DBF4B: variants seen among roughly 807,000 people sequenced by gnomAD.
The protein encoded by DBF4B is DBF4B-CDC7 kinase regulatory subunit.
DBF4B carries 49 observed loss-of-function variants against 53.4 expected under a neutral mutation model. That is an observed-to-expected ratio of 0.92 (90% CI 0.73 to 1.16). The LOEUF (loss-of-function observed/expected upper bound fraction) is 1.16, where lower values mean the gene tolerates loss of function less well. DBF4B is among the 50% of genes most tolerant of loss of function. The pLI is 0.00. For missense variants in DBF4B, 692 were observed against 775.0 expected (o/e 0.89, Z 1.27); for synonymous variants, 257 against 288.7 (o/e 0.89, Z 1.11).
chr17:44,743,441 C>A (rs1976269296), intron 10 of DBF4B, among the ~76,000 whole-genome samples: 1 of 152,110 alleles, frequency 6.6e-6, no homozygotes, highest in Admixed American at 6.5e-5. Context: ...CTATATTCCA[C>A]ACCCAGCCTC....
At chr17:44,748,004 C>T (rs2049152495) in intron 12 of DBF4B, among the ~76,000 whole-genome samples, 1 of 152,204 alleles carries the variant, frequency 6.6e-6, no homozygotes, top group South Asian at 2.1e-4. Flanking sequence ...CCCCAAATCT[C>T]CACCTCAAGC....
Position 44,748,461 on chromosome 17 carries a change from A to G in DBF4B, c.1185A>G (p.Ala395=). The G allele has an allele frequency of 6.2e-7, 1 of 1,614,006 alleles. No homozygotes were observed. Among genetic ancestry groups the G allele is most frequent in the Non-Finnish European group, 8.5e-7 (1 of 1,179,908 alleles). Residue 395 remains alanine (A), a synonymous_variant, in exon 13 of 14, where the codon GCA becomes GCG. Transcript: ENST00000315005. The stretch of plus-strand genomic sequence containing the variant: ...TAAGGAAAGAAGACAGCTGCCAGGC[A>G]TCAGGTATCCCAGAGCAGGATGGGA... The part of the protein sequence containing the change: ...PRIRKEDSCQ[A]SVTQGRAAGQ...
At chr17:44,739,144 G>A (rs1248915722) in intron 9 of DBF4B, among the ~76,000 whole-genome samples, 1 of 152,160 alleles carries the variant, frequency 6.6e-6, no homozygotes, top group Non-Finnish European at 1.5e-5. Context: ...GAGCAGGAGG[G>A]TCCCATGACA....
At chr17:44,730,205 C>T (rs1974715048) in intron 4 of DBF4B, 109 bp downstream of exon 4, 7 of 1,217,416 alleles carry the variant, frequency 5.7e-6, no homozygotes, top group Non-Finnish European at 7.9e-6. Flanking sequence ...AATTTAATCT[C>T]TCATTTGAAT....
intron 11 of DBF4B, 82 bp from the exon 12 acceptor site, chr17:44,747,309 G>C: frequency 6.2e-7 from 1 of 1,600,206 alleles, no homozygotes; most frequent in Admixed American, 1.7e-5. Context: ...CAGGGCCAGA[G>C]CATGGGCTGG....
At chr17:44,719,532 G>A (rs2144812326) in intron 2 of DBF4B, among the ~76,000 whole-genome samples, 1 of 152,270 alleles carries the variant, frequency 6.6e-6, no homozygotes, top group South Asian at 2.1e-4. Context: ...TATAAATAGA[G>A]TCATAAAATG....
chr17:44,730,866 A>G (rs1213615765), intron 4 of DBF4B, 99 bp from the exon 5 acceptor site: 5 of 1,262,898 alleles, frequency 4.0e-6, no homozygotes, highest in Middle Eastern at 2.5e-4. Flanking sequence ...TCCGAGGGAC[A>G]TAACCCCAAG....
At position 44,751,777 on chromosome 17, in the gene DBF4B, C is replaced by CCAAGGT; in HGVS notation, c.*527_*532dup. On this transcript the variant is annotated 3_prime_UTR_variant, in exon 14 of 14. Transcript: ENST00000315005. The stretch of plus-strand genomic sequence containing the variant: ...AAGCATTCCACTAAGATCATCTATT[C>CCAAGGT]CAAGGTCATGGACAGGCTACTGGTG... The CCAAGGT allele has an allele frequency of 6.7e-7, 1 of 1,499,358 alleles. No homozygotes were observed. Among genetic ancestry groups the CCAAGGT allele is most frequent in the Non-Finnish European group, 8.9e-7 (1 of 1,126,874 alleles). 92.9% of individuals were successfully genotyped at this position (1,499,358 alleles called of 1,614,324 possible).
chr17:44,713,040 T>A (rs928589433), intron 2 of DBF4B, among the ~76,000 whole-genome samples: 18 of 140,634 alleles, frequency 1.3e-4, no homozygotes, highest in African/African-American at 4.2e-4. Flanking sequence ...TTGACTTTTT[T>A]TTTTTTTTTT....
chr17:44,709,446 C>T, intron 2 of DBF4B, 80 bp downstream of exon 2: 1 of 1,459,962 alleles, frequency 6.8e-7, no homozygotes, highest in Non-Finnish European at 9.6e-7. Flanking sequence ...AATGTTCCCC[C>T]TGTTGGAGTT....
At chr17:44,730,756 C>A (rs1974761363) in intron 4 of DBF4B, among the ~76,000 whole-genome samples, 1 of 152,340 alleles carries the variant, frequency 6.6e-6, no homozygotes, top group African/African-American at 2.4e-5. Context: ...CAGGCTGCCA[C>A]CTCAGGGTGA....
chr17:44,734,723 C>T (rs926872684), intron 7 of DBF4B, among the ~76,000 whole-genome samples: 1 of 152,248 alleles, frequency 6.6e-6, no homozygotes, highest in African/African-American at 2.4e-5. Flanking sequence ...GATCTACCCA[C>T]AGCCTGGCAT....
chr17:44,748,311 C>T, intron 12 of DBF4B, 30 bp from the exon 13 acceptor site: 1 of 1,563,904 alleles, frequency 6.4e-7, no homozygotes, highest in Non-Finnish European at 8.7e-7. Flanking sequence ...AAGTTGAAAC[C>T]TGCAGCTCAC....
intron 3 of DBF4B, among the ~76,000 whole-genome samples, chr17:44,724,570 G>A (rs1447607394): frequency 6.6e-6 from 1 of 152,086 alleles, no homozygotes; most frequent in African/African-American, 2.4e-5. Flanking sequence ...TAGTAGAGAC[G>A]AGGTTTCACC....
At chr17:44,713,191 G>A (rs111425960) in intron 2 of DBF4B, among the ~76,000 whole-genome samples, 7,140 of 149,554 alleles carry the variant, frequency 0.048, 256 homozygotes, top group Non-Finnish European at 0.075. Context: ...AGGCACCCAC[G>A]ACCAGGCCCG....
At position 44,750,873 on chromosome 17, in the gene DBF4B, G is replaced by T; in HGVS notation, c.1468G>T (p.Val490Phe). Residue 490 changes from valine to phenylalanine, a missense_variant, in exon 14 of 14, where the codon GTT (valine) becomes TTT (phenylalanine). By Grantham distance (50) the Val-to-Phe change is conservative (BLOSUM62 -1). This residue lies in a region of DBF4B where 597 missense variants were observed against 665.8 expected (regional missense o/e 0.90). Transcript: ENST00000315005. ...ENSFAPADIP[V>F]KGPLLFPEAR... ...CTCCTTTGCCCCGGCGGACATTCCTGTTAAGGGCCCACTCCTCTTCCCTGA... is the reference window on the plus strand; with the variant it reads ...CTCCTTTGCCCCGGCGGACATTCCTTTTAAGGGCCCACTCCTCTTCCCTGA... 1 of 1,614,172 alleles carries T rather than the reference G, an allele frequency of 6.2e-7. No individual in the cohort carries two copies. Among genetic ancestry groups the T allele is most frequent in the South Asian group, 1.1e-5 (1 of 91,078 alleles).
chr17:44,737,579 G>A (rs907955121), intron 8 of DBF4B, among the ~76,000 whole-genome samples: 3 of 152,204 alleles, frequency 2.0e-5, no homozygotes, highest in African/African-American at 7.2e-5. Flanking sequence ...GAGCTGTAAG[G>A]TGCCAGCGTC....
At chr17:44,725,683 T>G (rs1012179187) in intron 3 of DBF4B, among the ~76,000 whole-genome samples, 20 of 129,038 alleles carry the variant, frequency 1.5e-4, no homozygotes, top group African/African-American at 5.2e-4. Flanking sequence ...TTTTTGTGCT[T>G]CTTTTTTTTT....
intron 9 of DBF4B, among the ~76,000 whole-genome samples, chr17:44,738,838 G>A (rs1396428483): frequency 6.6e-6 from 1 of 152,206 alleles, no homozygotes; most frequent in Non-Finnish European, 1.5e-5. Context: ...GCTGAAATTA[G>A]GGTGCTAGGG....
Sources: allele counts gnomAD v4.1 joint callset (sites outside exome capture counted in the v4.1 genomes callset), GRCh38; gene constraint gnomAD v4.1.1; regional missense constraint gnomAD v4.1.1; transcripts MANE v1.5; gene names NCBI Gene and HGNC (gene_info 2026-07-23, HGNC 2026-07-21).